The following MRC2 variants were observed in gnomAD, a reference collection of about 807,000 sequenced individuals.
The protein encoded by MRC2 is mannose receptor C-type 2.
Under a neutral mutation model 206.2 loss-of-function variants are expected in MRC2, and 84 were observed. That is an observed-to-expected ratio of 0.41 (90% CI 0.34 to 0.49). The LOEUF is 0.49. Ranked by LOEUF, MRC2 falls within the 20% of genes least tolerant of loss-of-function variation. MRC2 has a pLI of 0.31. For synonymous variants in MRC2, 798 were observed against 800.0 expected (o/e 1.00, Z 0.04); for missense variants, 1,676 against 2,001.5 (o/e 0.84, Z 3.10).
chr17:62,631,163 A>T (rs1363200148), intron 1 of MRC2, among the ~76,000 whole-genome samples: 1 of 152,116 alleles, frequency 6.6e-6, no homozygotes, highest in South Asian at 2.1e-4. Flanking sequence ...TCTCAGGCAG[A>T]TATTCATTTG....
In MRC2 at chr17:62,680,784, C is replaced by G. The variant is rs1440059913; in HGVS notation, c.2474-16C>G. The G allele has an allele frequency of 1.3e-6, 2 of 1,592,458 alleles. No homozygotes were observed. The highest frequency in any genetic ancestry group is 1.7e-6 in the Non-Finnish European group (2 of 1,169,868). On this transcript the variant is annotated splice_polypyrimidine_tract_variant and intron_variant, in intron 16 of 29. Transcript: ENST00000303375. This position sits in a 1 kb window ranked among gnomAD's most constrained non-coding sequence, Gnocchi z 4.8. Reference sequence around the variant, plus strand: ...TCTGCCTGGCCGCCGCTCCCACGCCCGCGCTGCTCCTGCAGGCCGACGGGA... The same window carrying G: ...TCTGCCTGGCCGCCGCTCCCACGCCGGCGCTGCTCCTGCAGGCCGACGGGA...
At chr17:62,677,511 G>A (rs1316895573) in intron 12 of MRC2, 25 bp downstream of exon 12, 1 of 1,566,320 alleles carries the variant, frequency 6.4e-7, no homozygotes, top group Admixed American at 1.8e-5. Flanking sequence ...TGGCCGGGTA[G>A]GGGGCAGGGG....
intron 27 of MRC2, 31 bp from the exon 28 acceptor site, chr17:62,690,918 C>A: frequency 1.3e-6 from 2 of 1,549,494 alleles, no homozygotes; most frequent in South Asian, 1.2e-5. Flanking sequence ...CCCACCTTGT[C>A]CCTGCTCCCT....
At chr17:62,684,382 C>T (rs2089007696) in intron 20 of MRC2, among the ~76,000 whole-genome samples, 1 of 152,184 alleles carries the variant, frequency 6.6e-6, no homozygotes, top group South Asian at 2.1e-4. Flanking sequence ...TCGAGACCAG[C>T]CTGGGCAATG....
intron 20 of MRC2, among the ~76,000 whole-genome samples, chr17:62,687,967 T>G (rs2089052849): frequency 2.0e-5 from 3 of 152,188 alleles, no homozygotes; most frequent in Non-Finnish European, 4.4e-5. Flanking sequence ...GAAGGGTGTT[T>G]AGCAGAAAGC....
chr17:62,671,220 A>G lies in MRC2; in HGVS notation c.1118-429A>G, dbSNP rs1212101827. On this transcript the variant is annotated intron_variant, in intron 6 of 29. Transcript: ENST00000303375. The surrounding 1 kb of genome is among the most constrained non-coding windows in gnomAD (Gnocchi z 4.5). ...CTGAGTAGCGGGACCACAGGCGCAC[A>G]TCACCATGCCTGGCTAATTTTTTAT... is the stretch of plus-strand genomic sequence containing the variant. Among the ~76,000 whole-genome samples, 1 of 152,192 alleles carries G rather than the reference A, an allele frequency of 6.6e-6. No homozygotes were observed. The highest frequency in any genetic ancestry group is 1.5e-5 in the Non-Finnish European group (1 of 68,036).
At chr17:62,691,307 G>A (rs1429246843) in intron 28 of MRC2, among the ~76,000 whole-genome samples, 179 bp downstream of exon 28, 1 of 152,204 alleles carries the variant, frequency 6.6e-6, no homozygotes, top group Admixed American at 6.5e-5. Flanking sequence ...GACTGGACCT[G>A]AAACTTATCA....
chr17:62,640,990 G>C (rs1457532143), intron 1 of MRC2, among the ~76,000 whole-genome samples: 3 of 151,304 alleles, frequency 2.0e-5, no homozygotes, highest in Admixed American at 6.6e-5. Flanking sequence ...TTACAGGCGT[G>C]AGCCACTGTG....
In MRC2 at chr17:62,667,645, G is replaced by A. The variant is rs1598984839; in HGVS notation, c.1117+112G>A. ...TCCGGTTACCACCACAGCACAAGGGGACTCTGGATCCTCTGACTCTTATTT... is the reference window on the plus strand; with the variant it reads ...TCCGGTTACCACCACAGCACAAGGGAACTCTGGATCCTCTGACTCTTATTT... On this transcript the variant is annotated intron_variant, in intron 6 of 29. Transcript: ENST00000303375. This position sits in a 1 kb window ranked among gnomAD's most constrained non-coding sequence, Gnocchi z 4.1. The A allele has an allele frequency of 8.4e-7, 1 of 1,196,928 alleles. No individual in the cohort carries two copies. The allele number at this position is 1,196,928 out of a possible 1,614,324, so 74.1% of individuals were successfully genotyped here. A position where few individuals can be genotyped will look rare whatever the true frequency, so the allele number is the denominator to read the frequency against.
chr17:62,651,107 C>T (rs1045213106), intron 1 of MRC2, among the ~76,000 whole-genome samples: 10 of 149,006 alleles, frequency 6.7e-5, no homozygotes, highest in East Asian at 2.0e-4. Flanking sequence ...TTTTTTTAAA[C>T]GCAGTCTCGC....
At chr17:62,647,186 C>CTT (rs34733419) in intron 1 of MRC2, among the ~76,000 whole-genome samples, 3,005 of 136,278 alleles carry the variant, frequency 0.022, 104 homozygotes, top group African/African-American at 0.055. Flanking sequence ...TTTTCTTTTT[C>CTT]TTTTTTTTTT....
intron 20 of MRC2, among the ~76,000 whole-genome samples, chr17:62,686,895 A>G (rs2089038801): frequency 6.6e-6 from 1 of 152,144 alleles, no homozygotes; most frequent in Non-Finnish European, 1.5e-5. Context: ...TGGGCTTACA[A>G]TTTTTTACCC....
chr17:62,648,741 G>C (rs2088520555), intron 1 of MRC2, among the ~76,000 whole-genome samples: 1 of 152,166 alleles, frequency 6.6e-6, no homozygotes, highest in Non-Finnish European at 1.5e-5. Context: ...TGGACCGTGG[G>C]TTTATTTTTC....
At chr17:62,629,458 TGGG>T (rs1214210593) in intron 1 of MRC2, among the ~76,000 whole-genome samples, 1 of 152,172 alleles carries the variant, frequency 6.6e-6, no homozygotes, top group Non-Finnish European at 1.5e-5. Flanking sequence ...TGGCCCTCCC[TGGG>T]GCTGTGTCCA....
Position 62,680,082 on chromosome 17 carries a change from G to T in MRC2, c.2299-88G>T. 1 of 1,583,528 alleles carries T rather than the reference G, an allele frequency of 6.3e-7. No homozygotes were observed. The highest frequency in any genetic ancestry group is 1.7e-5 in the Admixed American group (1 of 59,026). On this transcript the variant is annotated intron_variant, in intron 14 of 29. Coordinates refer to ENST00000303375, the MANE Select transcript of MRC2 (RefSeq NM_006039.5). The surrounding 1 kb of genome is among the most constrained non-coding windows in gnomAD (Gnocchi z 4.8). The stretch of plus-strand genomic sequence containing the variant: ...CCCCCGGTGAGAATTCGCAGCTCAG[G>T]CCAGGCCTCTTGTTCACCTGTTCCG...
intron 6 of MRC2, among the ~76,000 whole-genome samples, chr17:62,669,693 T>C (rs569302737): frequency 1.3e-5 from 2 of 152,014 alleles, no homozygotes; most frequent in South Asian, 4.2e-4. Flanking sequence ...GCTGGGATTA[T>C]AGGCATGAGT....
intron 14 of MRC2, 26 bp downstream of exon 14, chr17:62,679,928 C>T (rs1178655385): frequency 3.2e-6 from 5 of 1,578,660 alleles, no homozygotes; most frequent in African/African-American, 1.4e-5. Flanking sequence ...GTACTTGGGA[C>T]TGCGAGGCCG....
In MRC2 at chr17:62,690,626, C is replaced by T. The variant is rs2089096608; in HGVS notation, c.3893-16C>T. The stretch of plus-strand genomic sequence containing the variant: ...GGAGACCCATCCGCCCTGACGTGGG[C>T]CTTCTTTGCATCCAGCGGGTGGGGC... On this transcript the variant is annotated splice_polypyrimidine_tract_variant and intron_variant, in intron 26 of 29. Transcript: ENST00000303375. The T allele has an allele frequency of 1.3e-6, 2 of 1,588,976 alleles. No homozygotes were observed. Among genetic ancestry groups the T allele is most frequent in the African/African-American group, 1.3e-5 (1 of 74,244 alleles).
At chr17:62,654,174 G>T (rs1408434512) in intron 1 of MRC2, among the ~76,000 whole-genome samples, 1 of 152,126 alleles carries the variant, frequency 6.6e-6, no homozygotes, top group Non-Finnish European at 1.5e-5. Flanking sequence ...AAGGGAGAGA[G>T]GCTCAGAGGC....
Sources: allele counts gnomAD v4.1 joint callset (sites outside exome capture counted in the v4.1 genomes callset), GRCh38; gene constraint gnomAD v4.1.1; non-coding constraint Gnocchi (gnomAD v3.1); transcripts MANE v1.5; gene names NCBI Gene and HGNC (gene_info 2026-07-23, HGNC 2026-07-21).